TRAPPC4: variants seen among roughly 807,000 people sequenced by gnomAD.
The protein encoded by TRAPPC4 is TRS23 homolog.
TRAPPC4 carries 30 observed loss-of-function variants against 23.5 expected under a neutral mutation model. The ratio of observed to expected loss-of-function variants is 1.28; its 90% CI spans 0.96 to 1.73. The LOEUF is 1.73. TRAPPC4 is among the 40% of genes most tolerant of loss of function. TRAPPC4 has a pLI of 0.00. For missense variants in TRAPPC4, 252 were observed against 268.9 expected (o/e 0.94, Z 0.44); for synonymous variants, 129 against 105.3 (o/e 1.23, Z -1.38).
chr11:119,020,477 G>A (rs1042840196), intron 3 of TRAPPC4: 7 of 472,922 alleles, frequency 1.5e-5, no homozygotes, highest in African/African-American at 9.9e-5. Flanking sequence ...CTGGAATGCA[G>A]GGGCATGATC....
At chr11:119,022,960 T>TTTTG (rs1943423285) in intron 4 of TRAPPC4, 1 of 116,272 alleles carries the variant, frequency 8.6e-6, no homozygotes, top group Non-Finnish European at 1.9e-5. Flanking sequence ...TGTTGATGTT[T>TTTTG]TTTTTTTTTT....
Position 119,020,246 on chromosome 11 carries a change from ACT to A in TRAPPC4, c.448_449del (p.Leu150AspfsTer12). 6.2e-7 allele frequency: 1 copy of A among 1,612,300 alleles called. No individual in the cohort carries two copies. Among genetic ancestry groups the A allele is most frequent in the Non-Finnish European group, 8.5e-7 (1 of 1,179,184 alleles). On this transcript the variant is annotated frameshift_variant, in exon 3 of 5. Transcript: ENST00000533632. LOFTEE classifies it high-confidence loss of function. ...CATTCAAATTGCACTGCTACCAGAC[ACT>A]GACAGGTATGCATCTCCACGGAGGC... Reference protein sequence around the residue: ...DTFKLHCYQTLTGIKFVVLAD... With the variant: ...DTFKLHCYQTXTGIKFVVLAD...
chr11:119,019,462 G>A (rs1943275194), intron 2 of TRAPPC4, 145 bp downstream of exon 2: 5 of 906,940 alleles, frequency 5.5e-6, no homozygotes, highest in African/African-American at 3.4e-5. Flanking sequence ...TTTGCTGGGT[G>A]GGGAGGGGCC....
At position 119,019,285 on chromosome 11, in the gene TRAPPC4, T is replaced by C. The variant is rs1396182267; in HGVS notation, c.318T>C (p.Asn106=). The C allele has an allele frequency of 6.2e-6, 10 of 1,612,962 alleles. No homozygotes were observed. Among genetic ancestry groups the C allele is most frequent in the Non-Finnish European group, 8.5e-6 (10 of 1,178,928 alleles). The change falls in exon 2 of 5, where the codon AAT becomes AAC. Residue 106 remains asparagine (N), a synonymous_variant. Transcript: ENST00000533632. ...IRFGRPRLTS[N]EKLMLASMFH... ...TTGGCCGGCCCCGCCTCACTTCTAA[T>C]GAGAAGCTTATGCTGGCCTCCATGT...
Position 119,019,721 on chromosome 11 carries a change from G to A in TRAPPC4, c.350+404G>A, listed in dbSNP as rs149438251. The A allele has an allele frequency of 1.2e-3, 245 of 202,228 alleles. 10 individuals carry two copies. The East Asian group carries it at 0.032, about 27-fold the overall frequency. The allele number at this position is 202,228 out of a possible 1,614,324, so 12.5% of individuals were successfully genotyped here. A position where few individuals can be genotyped will look rare whatever the true frequency, so the allele number is the denominator to read the frequency against. On this transcript the variant is annotated intron_variant, in intron 2 of 4. Transcript: ENST00000533632. ...TTCCCAAAGTGCTGGGATTACAGGAGTGAGCCACCGCGCCCGGCCGAGGTG... is the reference window on the plus strand; with the variant it reads ...TTCCCAAAGTGCTGGGATTACAGGAATGAGCCACCGCGCCCGGCCGAGGTG...
At position 119,021,803 on chromosome 11, in the gene TRAPPC4, A is replaced by G; in HGVS notation, c.498A>G (p.Ile166Met). The G allele has an allele frequency of 6.2e-7, 1 of 1,614,162 alleles. No individual in the cohort carries two copies. Among genetic ancestry groups the G allele is most frequent in the Non-Finnish European group, 8.5e-7 (1 of 1,180,018 alleles). ...VVLADPRQAG[I>M]DSLLRKIYEI... Reference sequence around the variant, plus strand: ...TAGCAGATCCTAGGCAAGCTGGAATAGATTCTCTTCTCCGAAAGATTTATG... The same window carrying G: ...TAGCAGATCCTAGGCAAGCTGGAATGGATTCTCTTCTCCGAAAGATTTATG... The change falls in exon 4 of 5, where the codon ATA (isoleucine) becomes ATG (methionine). Residue 166 changes from isoleucine (I) to methionine (M), a missense_variant. By Grantham distance (10) the Ile-to-Met change is conservative. Around this residue, in one of 3 missense-constraint regions of TRAPPC4, gnomAD observed 222 missense variants for 217.8 expected, o/e 1.02. Coordinates refer to ENST00000533632, the MANE Select transcript of TRAPPC4 (RefSeq NM_016146.6).
Position 119,020,250 on chromosome 11 carries a change from A to T in TRAPPC4, c.451A>T (p.Thr151Ser). The change falls in exon 3 of 5, where the codon ACA becomes TCA. Residue 151 changes from threonine to serine, a missense_variant. Around this residue, in one of 3 missense-constraint regions of TRAPPC4, gnomAD observed 222 missense variants for 217.8 expected, o/e 1.02. Coordinates refer to ENST00000533632, the MANE Select transcript of TRAPPC4 (RefSeq NM_016146.6). ...TFKLHCYQTLTGIKFVVLADP... is the reference protein window; with the variant it reads ...TFKLHCYQTLSGIKFVVLADP... ...CAAATTGCACTGCTACCAGACACTGACAGGTATGCATCTCCACGGAGGCCA... is the reference window on the plus strand; with the variant it reads ...CAAATTGCACTGCTACCAGACACTGTCAGGTATGCATCTCCACGGAGGCCA... 6.2e-7 allele frequency: 1 copy of T among 1,609,846 alleles called. No homozygotes were observed. Among genetic ancestry groups the T allele is most frequent in the Admixed American group, 1.7e-5 (1 of 60,002 alleles).
rs782306383 is a variant in TRAPPC4 at position 119,018,865 on chromosome 11, C to G, written c.70C>G (p.Pro24Ala). 1 of 1,614,222 alleles carries G rather than the reference C, an allele frequency of 6.2e-7. No individual in the cohort carries two copies. Among genetic ancestry groups the G allele is most frequent in the Non-Finnish European group, 8.5e-7 (1 of 1,180,046 alleles). Residue 24 changes from proline (P) to alanine (A), a missense_variant, in exon 1 of 5, where the codon CCA becomes GCA. Pro to Ala is a conservative substitution (Grantham distance 27). Transcript: ENST00000533632. ...GLIYQLDSYA[P>A]RAEAEKTFSY... ...GATTTACCAGTTGGACAGCTACGCGCCACGGGCTGAGGCTGAGAAAACTTT... is the reference window on the plus strand; with the variant it reads ...GATTTACCAGTTGGACAGCTACGCGGCACGGGCTGAGGCTGAGAAAACTTT...
intron 2 of TRAPPC4, 139 bp downstream of exon 2, chr11:119,019,456 CTGGGTG>C (rs1943274749): frequency 1.0e-6 from 1 of 981,916 alleles, no homozygotes; most frequent in South Asian, 1.7e-5. Flanking sequence ...TCTTTTTTTG[CTGGGTG>C]GGGAGGGGCC....
chr11:119,020,267 C>A lies in TRAPPC4; in HGVS notation c.454+14C>A. 1 of 1,598,010 alleles carries A rather than the reference C, an allele frequency of 6.3e-7. No individual in the cohort carries two copies. Among genetic ancestry groups the A allele is most frequent in the African/African-American group, 1.3e-5 (1 of 74,728 alleles). ...AGACACTGACAGGTATGCATCTCCA[C>A]GGAGGCCAGAGGAGTGTGATGGAGA... On this transcript the variant is annotated intron_variant, in intron 3 of 4. Coordinates refer to ENST00000533632, the MANE Select transcript of TRAPPC4 (RefSeq NM_016146.6).
At chr11:119,020,065 T>G in intron 2 of TRAPPC4, 85 bp from the exon 3 acceptor site, 3 of 908,724 alleles carry the variant, frequency 3.3e-6, no homozygotes, top group Non-Finnish European at 3.5e-6. Flanking sequence ...GGCTGTAATG[T>G]GAACTCCTCA....
Position 119,023,663 on chromosome 11 carries a change from T to C in TRAPPC4, c.*264T>C, listed in dbSNP as rs1300870527. 2 of 309,862 alleles carry C rather than the reference T, an allele frequency of 6.5e-6. No homozygotes were observed. The highest frequency in any genetic ancestry group is 4.4e-5 in the Admixed American group (1 of 22,618). 19.2% of individuals were successfully genotyped at this position (309,862 alleles called of 1,614,324 possible). On this transcript the variant is annotated 3_prime_UTR_variant, in exon 5 of 5. Transcript: ENST00000533632. ...GTTGTAATAAATATTCCTTTGATCT[T>C]GGTGTTTGCAATCTGTCTTAATCGA...
At position 119,019,152 on chromosome 11, in the gene TRAPPC4, C is replaced by G. The variant is rs1419595500; in HGVS notation, c.185C>G (p.Ala62Gly). The stretch of plus-strand genomic sequence containing the variant: ...AGCTTCACCTCTGCAGTGGGTCATG[C>G]AGTGCTGGCCATCAATGGCATGGAC... ...GQRDGIRVGH[A>G]VLAINGMDVN... The change falls in exon 2 of 5, where the codon GCA (alanine) becomes GGA (glycine). Residue 62 changes from alanine to glycine, a missense_variant. Ala to Gly is a moderately conservative substitution (Grantham distance 60, BLOSUM62 0). Coordinates refer to ENST00000533632, the MANE Select transcript of TRAPPC4 (RefSeq NM_016146.6). 1.2e-6 allele frequency: 2 copies of G among 1,614,048 alleles called. No homozygotes were observed. Among genetic ancestry groups the G allele is most frequent in the South Asian group, 2.2e-5 (2 of 91,076 alleles).
Position 119,023,446 on chromosome 11 carries a change from G to T in TRAPPC4, c.*47G>T, listed in dbSNP as rs372735858. 34 of 1,568,440 alleles carry T rather than the reference G, an allele frequency of 2.2e-5. No homozygotes were observed. The highest frequency in any genetic ancestry group is 2.9e-5 in the Non-Finnish European group (33 of 1,138,746). On this transcript the variant is annotated 3_prime_UTR_variant, in exon 5 of 5. Transcript: ENST00000533632. ...CAAATTCTGAGAGTTCCTGCAACAA[G>T]AATACTGCTGTTGACACTCCAGTGG...
At chr11:119,019,441 T>G (rs925931263) in intron 2 of TRAPPC4, 124 bp downstream of exon 2, 2 of 1,100,334 alleles carry the variant, frequency 1.8e-6, no homozygotes, top group African/African-American at 3.3e-5. Context: ...ACGGCAGTGG[T>G]GTCATCTTTT....
chr11:119,020,293 A>C (rs1302621104), intron 3 of TRAPPC4, 40 bp downstream of exon 3: 2 of 1,520,426 alleles, frequency 1.3e-6, no homozygotes, highest in Non-Finnish European at 1.8e-6. Context: ...GTGATGGAGA[A>C]GGTGGGGAAG....
intron 4 of TRAPPC4, 35 bp downstream of exon 4, chr11:119,021,921 C>T (rs782129481): frequency 2.1e-5 from 34 of 1,609,926 alleles, no homozygotes; most frequent in Non-Finnish European, 2.5e-5. Flanking sequence ...CTGTTTAAAG[C>T]GTCCTTGCCC....
Position 119,020,158 on chromosome 11 carries a change from C to T in TRAPPC4, c.359C>T (p.Ala120Val), listed in dbSNP as rs1308486653. 2.5e-6 allele frequency: 4 copies of T among 1,613,484 alleles called. No homozygotes were observed. Among genetic ancestry groups the T allele is most frequent in the Non-Finnish European group, 3.4e-6 (4 of 1,179,646 alleles). ...GCCTCCTTTGCATATAGGCTCTTTG[C>T]CATCGGCTCCCAGCTGTCTCCTGAA... is the stretch of plus-strand genomic sequence containing the variant. ...MLASMFHSLF[A>V]IGSQLSPEQG... The change falls in exon 3 of 5, where the codon GCC becomes GTC. Residue 120 changes from alanine (A) to valine (V), a missense_variant. This residue lies in a region of TRAPPC4 where 222 missense variants were observed against 217.8 expected (regional missense o/e 1.02). Transcript: ENST00000533632.
chr11:119,021,805 A>C lies in TRAPPC4; in HGVS notation c.500A>C (p.Asp167Ala), dbSNP rs781793140. 4.3e-6 allele frequency: 7 copies of C among 1,613,984 alleles called. No homozygotes were observed. The highest frequency in any genetic ancestry group is 5.9e-6 in the Non-Finnish European group (7 of 1,180,012). Reference sequence around the variant, plus strand: ...GCAGATCCTAGGCAAGCTGGAATAGATTCTCTTCTCCGAAAGATTTATGAG... The same window carrying C: ...GCAGATCCTAGGCAAGCTGGAATAGCTTCTCTTCTCCGAAAGATTTATGAG... ...VLADPRQAGI[D>A]SLLRKIYEIY... is the part of the protein sequence containing the mutation. The change falls in exon 4 of 5, where the codon GAT becomes GCT. Residue 167 changes from aspartate to alanine, a missense_variant. Around this residue, in one of 3 missense-constraint regions of TRAPPC4, gnomAD observed 222 missense variants for 217.8 expected, o/e 1.02. Transcript: ENST00000533632.
Sources: gnomAD v4.1 joint callset for allele counts on GRCh38, gnomAD v4.1.1 for gene constraint, gnomAD v4.1.1 regional missense constraint, MANE v1.5 for transcripts, NCBI Gene and HGNC (gene_info 2026-07-23, HGNC 2026-07-21) for gene names.